The following SLC9A9 variants were observed in gnomAD, a reference collection of about 807,000 sequenced individuals.
SLC9A9 encodes solute carrier family 9 member A9, also known as sodium/hydrogen exchanger 9.
In SLC9A9, 62 loss-of-function variants were observed where a neutral mutation model predicts 77.8. The ratio of observed to expected loss-of-function variants is 0.80; its 90% CI spans 0.65 to 0.98. The LOEUF is 0.98. Ranked by LOEUF, SLC9A9 falls within the 50% of genes least tolerant of loss-of-function variation. The pLI is 0.00. For synonymous variants in SLC9A9, 320 were observed against 283.5 expected (o/e 1.13, Z -1.29); for missense variants, 775 against 774.9 (o/e 1.00, Z 0.00).
intron 11 of SLC9A9, among the ~76,000 whole-genome samples, chr3:143,473,078 C>T (rs1272423374): frequency 1.3e-5 from 2 of 152,056 alleles, no homozygotes; most frequent in Admixed American, 6.5e-5. Context: ...TCACTCACGC[C>T]AGCATCCCGA....
intron 12 of SLC9A9, among the ~76,000 whole-genome samples, chr3:143,441,846 C>T (rs1036319561): frequency 6.6e-6 from 1 of 151,422 alleles, no homozygotes; most frequent in Non-Finnish European, 1.5e-5. Context: ...ATCCATCCAT[C>T]CATCCATCCA....
chr3:143,661,910 C>T (rs920722602), intron 5 of SLC9A9, among the ~76,000 whole-genome samples: 4 of 152,068 alleles, frequency 2.6e-5, no homozygotes, highest in East Asian at 1.9e-4. Flanking sequence ...AACTACTTAT[C>T]GAGCACCTGC....
intron 12 of SLC9A9, among the ~76,000 whole-genome samples, chr3:143,396,139 C>T (rs1389944649): frequency 2.0e-5 from 3 of 152,170 alleles, no homozygotes; most frequent in African/African-American, 7.2e-5. Flanking sequence ...ACTATAAAGA[C>T]ACATGCACAC....
At chr3:143,764,401 T>C (rs1393781184) in intron 4 of SLC9A9, among the ~76,000 whole-genome samples, 5 of 152,236 alleles carry the variant, frequency 3.3e-5, no homozygotes, top group African/African-American at 4.8e-5. Context: ...GAATGTAATA[T>C]ATGCAATTCA....
At chr3:143,599,141 C>G (rs139060174) in intron 6 of SLC9A9, among the ~76,000 whole-genome samples, 136 of 152,302 alleles carry the variant, frequency 8.9e-4, no homozygotes, top group African/African-American at 3.1e-3. Context: ...GTGAAGAAAG[C>G]CTACCGTGTG....
chr3:143,281,920 T>C (rs562416560), intron 14 of SLC9A9, among the ~76,000 whole-genome samples: 2 of 152,316 alleles, frequency 1.3e-5, no homozygotes, highest in East Asian at 3.9e-4. Flanking sequence ...CCCCACACCG[T>C]TTCACAAACT....
At chr3:143,497,262 C>T (rs776295134) in intron 9 of SLC9A9, among the ~76,000 whole-genome samples, 10 of 152,174 alleles carry the variant, frequency 6.6e-5, no homozygotes, top group Non-Finnish European at 1.5e-4. Context: ...ATTTTGCCAC[C>T]TGGACTCTAT....
At chr3:143,749,042 C>T (rs1432861048) in intron 4 of SLC9A9, among the ~76,000 whole-genome samples, 2 of 151,760 alleles carry the variant, frequency 1.3e-5, no homozygotes, top group African/African-American at 4.8e-5. Context: ...CTTTTTTTTT[C>T]TAGACCTTAA....
At chr3:143,679,057 G>C (rs1001157394) in intron 5 of SLC9A9, among the ~76,000 whole-genome samples, 3 of 151,762 alleles carry the variant, frequency 2.0e-5, no homozygotes, top group African/African-American at 7.3e-5. Context: ...AGAGGTGAGG[G>C]GGGTGGGAAG....
intron 4 of SLC9A9, among the ~76,000 whole-genome samples, chr3:143,785,311 C>G (rs2166774): frequency 0.55 from 83,512 of 152,110 alleles, 25,196 homozygotes; most frequent in African/African-American, 0.79. Context: ...TCCCCACTCT[C>G]TTGGAATGCT....
chr3:143,534,870 C>T (rs1206639183), intron 9 of SLC9A9, among the ~76,000 whole-genome samples: 1 of 150,748 alleles, frequency 6.6e-6, no homozygotes, highest in Non-Finnish European at 1.5e-5. Flanking sequence ...AAACTATACA[C>T]CTAACATTTT....
chr3:143,787,769 C>A (rs959752678), intron 4 of SLC9A9, among the ~76,000 whole-genome samples: 1 of 151,770 alleles, frequency 6.6e-6, no homozygotes, highest in African/African-American at 2.4e-5. Flanking sequence ...CCTTAGTGCT[C>A]ATATGTAAGT....
At chr3:143,288,766 C>T (rs1283421512) in intron 14 of SLC9A9, among the ~76,000 whole-genome samples, 1 of 152,206 alleles carries the variant, frequency 6.6e-6, no homozygotes, top group African/African-American at 2.4e-5. Flanking sequence ...AGACCATGAT[C>T]AAGATGAATA....
intron 14 of SLC9A9, among the ~76,000 whole-genome samples, chr3:143,289,361 T>C (rs1938471640): frequency 6.6e-6 from 1 of 152,166 alleles, no homozygotes; most frequent in African/African-American, 2.4e-5. Context: ...TGAACCATTA[T>C]TTTTTTAAAT....
chr3:143,537,559 G>C (rs558654858), intron 9 of SLC9A9, among the ~76,000 whole-genome samples: 1 of 152,204 alleles, frequency 6.6e-6, no homozygotes, highest in Non-Finnish European at 1.5e-5. Flanking sequence ...ATCTTTGACT[G>C]TCTGTCTTGG....
chr3:143,634,919 A>G (rs1184429271), intron 6 of SLC9A9, among the ~76,000 whole-genome samples: 2 of 152,162 alleles, frequency 1.3e-5, no homozygotes, highest in Admixed American at 6.5e-5. Context: ...ATAATAGTAC[A>G]GGGAAAGGGG....
At chr3:143,547,629 G>T (rs1021927708) in intron 9 of SLC9A9, among the ~76,000 whole-genome samples, 4 of 152,122 alleles carry the variant, frequency 2.6e-5, no homozygotes, top group African/African-American at 9.7e-5. Flanking sequence ...CAGCCACATT[G>T]GTTCTCCTGC....
In SLC9A9 at chr3:143,674,038, T is replaced by C. The variant is rs74375603; in HGVS notation, c.649+19154A>G. Among the ~76,000 whole-genome samples the C allele has an allele frequency of 7.2e-5, 11 of 152,332 alleles. No homozygotes were observed. In the East Asian group the frequency reaches 2.1e-3, roughly 29 times the overall value. Reference sequence around the variant, plus strand: ...ATGATAGTGTTATCTAAAAATCCAATAAAGTGCCTGAGAAGAATTCACTGC... The same window carrying C: ...ATGATAGTGTTATCTAAAAATCCAACAAAGTGCCTGAGAAGAATTCACTGC... On this transcript the variant is annotated intron_variant, in intron 5 of 15. Coordinates refer to ENST00000316549, the MANE Select transcript of SLC9A9 (RefSeq NM_173653.4).
chr3:143,514,007 C>T (rs1052232215), intron 9 of SLC9A9, among the ~76,000 whole-genome samples: 2 of 151,602 alleles, frequency 1.3e-5, no homozygotes, highest in East Asian at 3.9e-4. Context: ...CCCCCTACCC[C>T]AGGACAGGCC....
Sources: allele counts gnomAD v4.1 joint callset (sites outside exome capture counted in the v4.1 genomes callset), GRCh38; gene constraint gnomAD v4.1.1; transcripts MANE v1.5; gene names NCBI Gene and HGNC (gene_info 2026-07-23, HGNC 2026-07-21).